CNTN4: variants seen among roughly 807,000 people sequenced by gnomAD.
The protein encoded by CNTN4 is contactin-4.
CNTN4 carries 77 observed loss-of-function variants against 122.5 expected under a neutral mutation model. That is an observed-to-expected ratio of 0.63 (90% CI 0.52 to 0.76). The LOEUF (loss-of-function observed/expected upper bound fraction) is 0.76. CNTN4 is among the 30% of genes least tolerant of loss of function. CNTN4 has a pLI of 0.00. For missense variants in CNTN4, 1,256 were observed against 1,259.1 expected (o/e 1.00, Z 0.04); for synonymous variants, 512 against 447.0 (o/e 1.15, Z -1.83).
chr3:2,365,988 T>A (rs932818909), intron 3 of CNTN4, among the ~76,000 whole-genome samples: 4 of 152,236 alleles, frequency 2.6e-5, no homozygotes, highest in Admixed American at 6.5e-5. Context: ...TTGTAGACAT[T>A]TTTCAAAGCA....
At position 2,866,404 on chromosome 3, in the gene CNTN4, C is replaced by T; in HGVS notation, c.455-348C>T. Reference sequence around the variant, plus strand: ...AGCATTACTATATCAAGATTATAGGCACCCTGGGTCTGTAATTTGAGCATT... The same window carrying T: ...AGCATTACTATATCAAGATTATAGGTACCCTGGGTCTGTAATTTGAGCATT... On this transcript the variant is annotated intron_variant, in intron 7 of 24. Transcript: ENST00000418658. 2 of 1,069,616 alleles carry T rather than the reference C, an allele frequency of 1.9e-6. 1 individual carries two copies. Among genetic ancestry groups the T allele is most frequent in the Non-Finnish European group, 2.3e-6 (2 of 872,228 alleles). 66.3% of individuals were successfully genotyped at this position (1,069,616 alleles called of 1,614,324 possible).
chr3:2,744,326 A>G (rs2089638616), intron 5 of CNTN4, among the ~76,000 whole-genome samples: 1 of 151,226 alleles, frequency 6.6e-6, no homozygotes, highest in African/African-American at 2.4e-5. Flanking sequence ...TGTACAGACA[A>G]CCACAGTACC....
At chr3:2,944,211 C>A (rs972693508) in intron 13 of CNTN4, among the ~76,000 whole-genome samples, 1 of 151,276 alleles carries the variant, frequency 6.6e-6, no homozygotes, top group African/African-American at 2.4e-5. Flanking sequence ...CCCTCAAATA[C>A]CAACAGAAAT....
intron 3 of CNTN4, among the ~76,000 whole-genome samples, chr3:2,380,053 A>G (rs2045959817): frequency 1.1e-5 from 1 of 93,134 alleles, no homozygotes; most frequent in Admixed American, 1.3e-4. Context: ...GTGAAACTCC[A>G]TCTCAAAAAA....
intron 2 of CNTN4, among the ~76,000 whole-genome samples, chr3:2,117,446 G>A (rs917621962): frequency 2.6e-5 from 4 of 152,174 alleles, no homozygotes; most frequent in African/African-American, 9.7e-5. Flanking sequence ...TTTTCTGGGA[G>A]CTTCATTAGG....
chr3:2,533,005 C>T (rs749711527), intron 3 of CNTN4, among the ~76,000 whole-genome samples: 19 of 152,098 alleles, frequency 1.2e-4, no homozygotes, highest in East Asian at 3.9e-4. Context: ...GCTTAGTCAC[C>T]GCCCAAATCT....
At chr3:2,492,654 T>G (rs2076350191) in intron 3 of CNTN4, among the ~76,000 whole-genome samples, 1 of 152,226 alleles carries the variant, frequency 6.6e-6, no homozygotes, top group Non-Finnish European at 1.5e-5. Flanking sequence ...TCTTAGTTGT[T>G]TGGCTTATTA....
intron 6 of CNTN4, among the ~76,000 whole-genome samples, chr3:2,792,065 C>T (rs2092029425): frequency 2.6e-5 from 4 of 152,056 alleles, no homozygotes; most frequent in African/African-American, 9.7e-5. Flanking sequence ...GCACATGTAC[C>T]CCTGAACTTA....
chr3:3,057,097 A>T lies in CNTN4; in HGVS notation c.*877A>T, dbSNP rs574855422. On this transcript the variant is annotated 3_prime_UTR_variant, in exon 25 of 25. Transcript: ENST00000418658. ...TAGTCAACCAAGTCTTTCAAAGGAT[A>T]AAAGATCATTTTATTATCTTTAACT... 1.3e-5 allele frequency: 2 copies of T among 152,778 alleles called. No individual in the cohort carries two copies. Among genetic ancestry groups the T allele is most frequent in the Admixed American group, 1.3e-4 (2 of 15,308 alleles). 9.5% of individuals were successfully genotyped at this position (152,778 alleles called of 1,614,324 possible).
chr3:2,139,826 C>A (rs1337449997), intron 2 of CNTN4, among the ~76,000 whole-genome samples: 2 of 152,194 alleles, frequency 1.3e-5, no homozygotes, highest in African/African-American at 2.4e-5. Flanking sequence ...CTAAATCAGT[C>A]AGCAACCTAT....
At position 2,571,436 on chromosome 3, in the gene CNTN4, T is replaced by G. The variant is rs1234450476; in HGVS notation, c.-68T>G. Reference sequence around the variant, plus strand: ...CACAGATTAAAGGTTATACAAAACTTAAAAGAAGCAGCAATTCTATTCGCT... The same window carrying G: ...CACAGATTAAAGGTTATACAAAACTGAAAAGAAGCAGCAATTCTATTCGCT... On this transcript the variant is annotated 5_prime_UTR_variant, in exon 4 of 25. Transcript: ENST00000418658. 3 of 1,125,988 alleles carry G rather than the reference T, an allele frequency of 2.7e-6. No homozygotes were observed. The highest frequency in any genetic ancestry group is 4.1e-6 in the Non-Finnish European group (3 of 735,016). The allele number at this position is 1,125,988 out of a possible 1,614,324, so 69.7% of individuals were successfully genotyped here.
At chr3:2,165,070 C>T (rs563543854) in intron 2 of CNTN4, among the ~76,000 whole-genome samples, 41 of 152,208 alleles carry the variant, frequency 2.7e-4, no homozygotes, top group South Asian at 1.7e-3. Flanking sequence ...CGCCTGTAAT[C>T]GCAGCACTTT....
At chr3:2,405,606 GATAGA>G (rs1559524209) in intron 3 of CNTN4, among the ~76,000 whole-genome samples, 12 of 148,262 alleles carry the variant, frequency 8.1e-5, no homozygotes, top group South Asian at 6.3e-4. Flanking sequence ...TAGATAGATA[GATAGA>G]TAGATAGATA....
chr3:2,539,957 A>G (rs965722671), intron 3 of CNTN4, among the ~76,000 whole-genome samples: 1 of 152,030 alleles, frequency 6.6e-6, no homozygotes, highest in Non-Finnish European at 1.5e-5. Flanking sequence ...ATTTTTTTCC[A>G]TGCAGACTCA....
At chr3:2,140,072 G>A (rs1360239233) in intron 2 of CNTN4, among the ~76,000 whole-genome samples, 1 of 152,126 alleles carries the variant, frequency 6.6e-6, no homozygotes, top group Non-Finnish European at 1.5e-5. Context: ...CCCTGCACAA[G>A]CCCTCTTGCC....
Position 2,860,354 on chromosome 3 carries a change from T to G in CNTN4, c.455-6398T>G, listed in dbSNP as rs1577077159. Among the ~76,000 whole-genome samples, 3 of 152,240 alleles carry G rather than the reference T, an allele frequency of 2.0e-5. No homozygotes were observed. The South Asian group carries it at 6.2e-4, about 32-fold the overall frequency. On this transcript the variant is annotated intron_variant, in intron 7 of 24. Coordinates refer to ENST00000418658, the MANE Select transcript of CNTN4 (RefSeq NM_175607.3). ...TGGGTGTAGGAGTGGCGACTGGTGG[T>G]CCAAGTGACAGATATCTGTCATCCC...
chr3:2,669,709 T>G (rs2084388165), intron 4 of CNTN4, among the ~76,000 whole-genome samples: 1 of 152,220 alleles, frequency 6.6e-6, no homozygotes, highest in Admixed American at 6.5e-5. Context: ...GGATCTTTCC[T>G]GCTTTCTCTT....
At chr3:3,044,828 A>G in intron 23 of CNTN4, among the ~76,000 whole-genome samples, 1 of 152,242 alleles carries the variant, frequency 6.6e-6, no homozygotes. Flanking sequence ...TCACCTGGGA[A>G]GGGCAAAGGG....
chr3:2,989,937 A>C (rs1044187401), intron 14 of CNTN4, among the ~76,000 whole-genome samples: 1 of 152,194 alleles, frequency 6.6e-6, no homozygotes, highest in Non-Finnish European at 1.5e-5. Flanking sequence ...GATATAAGAG[A>C]ATATTAGGTT....
Sources: allele counts gnomAD v4.1 joint callset (sites outside exome capture counted in the v4.1 genomes callset), GRCh38; gene constraint gnomAD v4.1.1; transcripts MANE v1.5; gene names NCBI Gene and HGNC (gene_info 2026-07-23, HGNC 2026-07-21).